Variants in SLC9A3 observed in about 807,000 individuals in gnomAD.
SLC9A3 encodes the protein solute carrier family 9 member A3.
In SLC9A3, 37 loss-of-function variants were observed where a neutral mutation model predicts 86.8. That is an observed-to-expected ratio of 0.43 (90% CI 0.33 to 0.56). SLC9A3 has a LOEUF of 0.56. Among genes scored for constraint, SLC9A3 ranks in the 20% least tolerant of loss-of-function variants. The pLI, the probability that SLC9A3 is intolerant of heterozygous loss-of-function variation, is 0.06. For missense variants in SLC9A3, 1,011 were observed against 1,171.9 expected, an observed-to-expected ratio of 0.86 and a Z score of 2.00; for synonymous variants, 581 against 528.3, an observed-to-expected ratio of 1.10 and a Z score of -1.37.
intron 16 of SLC9A3, 138 bp from the exon 17 acceptor site, chr5:473,520 C>T (rs1738519104): frequency 1.6e-6 from 1 of 639,666 alleles, no homozygotes; most frequent in Admixed American, 4.5e-5. Context: ...TCGGCGTCCG[C>T]TGGGGCCTCC....
chr5:523,880 G>A (rs10475282), intron 1 of SLC9A3, among the ~76,000 whole-genome samples: 43,953 of 152,048 alleles, frequency 0.29, 6,671 homozygotes, highest in South Asian at 0.45. Flanking sequence ...GGGAGTCCGG[G>A]GCTCCGAGGC....
chr5:472,389 C>T lies in SLC9A3; in HGVS notation c.*990G>A, dbSNP rs1259201695. 8.9e-6 allele frequency: 3 copies of T among 335,614 alleles called. No homozygotes were observed. The highest frequency in any genetic ancestry group is 1.7e-5 in the Non-Finnish European group (3 of 171,694). The allele number at this position is 335,614 out of a possible 1,614,324, so 20.8% of individuals were successfully genotyped here. ...ATGCCCCCTGGTTTGTTAAGGGGGA[C>T]AGAGCAGCTGCTGGGCCCCACCATC... is the stretch of plus-strand genomic sequence containing the variant. On this transcript the variant is annotated 3_prime_UTR_variant, in exon 17 of 17. Transcript: ENST00000264938.
chr5:482,455 T>C lies in SLC9A3; in HGVS notation c.1356+93A>G, dbSNP rs976543849. On this transcript the variant is annotated intron_variant, in intron 7 of 16. Transcript: ENST00000264938. ...CTAAAATTATGAAACCCAATTAGGG[T>C]CTGGAGCCTGGAAATGCTTGTCCTG... 12 of 1,074,846 alleles carry C rather than the reference T, an allele frequency of 1.1e-5. No homozygotes were observed. In the African/African-American group the frequency reaches 1.4e-4, roughly 13 times the overall value. The allele number at this position is 1,074,846 out of a possible 1,614,324, so 66.6% of individuals were successfully genotyped here.
chr5:507,333 A>G (rs1740644462), intron 1 of SLC9A3, among the ~76,000 whole-genome samples: 1 of 107,910 alleles, frequency 9.3e-6, no homozygotes, highest in East Asian at 2.5e-4. Flanking sequence ...ACGCCCAGCT[A>G]ATTTTTTGTA....
intron 1 of SLC9A3, among the ~76,000 whole-genome samples, chr5:492,928 C>T (rs898475992): frequency 2.6e-5 from 4 of 152,274 alleles, no homozygotes; most frequent in East Asian, 1.9e-4. Context: ...CTCTGGGTCC[C>T]GCCACTCCAC....
intron 9 of SLC9A3, 40 bp downstream of exon 9, chr5:481,525 C>T (rs369862303): frequency 2.2e-5 from 33 of 1,521,178 alleles, no homozygotes; most frequent in African/African-American, 9.6e-5. Context: ...TTCCAGAAGC[C>T]GGGCTGTGCG....
At chr5:489,268 G>T (rs1448337184) in intron 2 of SLC9A3, among the ~76,000 whole-genome samples, 1 of 152,140 alleles carries the variant, frequency 6.6e-6, no homozygotes, top group African/African-American at 2.4e-5. Flanking sequence ...CCGGCCGTGA[G>T]GGTCCAGGGA....
At chr5:473,715 A>ACCGCCCTGGCGTCCCCCGGGTG (rs1186903704) in intron 16 of SLC9A3, among the ~76,000 whole-genome samples, 2 of 151,772 alleles carry the variant, frequency 1.3e-5, no homozygotes, top group Admixed American at 6.5e-5. Context: ...TCCATCTCAA[A>ACCGCCCTGGCGTCCCCCGGGTG]CCGCCCTGGC....
intron 13 of SLC9A3, 41 bp from the exon 14 acceptor site, chr5:476,133 C>T: frequency 6.2e-7 from 1 of 1,612,294 alleles, no homozygotes; most frequent in Non-Finnish European, 8.5e-7. Context: ...CCGACACAGC[C>T]ACACCCAGCC....
At chr5:482,873 T>TA in intron 6 of SLC9A3, 123 bp from the exon 7 acceptor site, 1 of 746,768 alleles carries the variant, frequency 1.3e-6, no homozygotes, top group Non-Finnish European at 2.2e-6. Flanking sequence ...GCACCCTAGA[T>TA]ACGGCGTCCC....
intron 6 of SLC9A3, 100 bp downstream of exon 6, chr5:483,162 T>A: frequency 1.1e-6 from 1 of 922,444 alleles, no homozygotes; most frequent in Non-Finnish European, 1.7e-6. Flanking sequence ...TGCACGGGGC[T>A]GCACCTCCAT....
At chr5:506,796 G>C (rs566751897) in intron 1 of SLC9A3, among the ~76,000 whole-genome samples, 1 of 151,978 alleles carries the variant, frequency 6.6e-6, no homozygotes, top group Non-Finnish European at 1.5e-5. Flanking sequence ...GGCCGGGCGC[G>C]GTGGCTCACG....
intron 10 of SLC9A3, chr5:479,627 GTCAC>G: frequency 3.6e-6 from 2 of 562,592 alleles, no homozygotes; most frequent in Non-Finnish European, 3.2e-6. Context: ...CAGCACCACA[GTCAC>G]CAGGACTCTG....
chr5:477,177 A>C lies in SLC9A3; in HGVS notation c.1760+155T>G, dbSNP rs1738799351. ...GAGTCTGGCCACGGCCTAATATAGGAGGGCTTGTGGAAGGAGACACCCACC... is the reference window on the plus strand; with the variant it reads ...GAGTCTGGCCACGGCCTAATATAGGCGGGCTTGTGGAAGGAGACACCCACC... On this transcript the variant is annotated intron_variant, in intron 11 of 16. Coordinates refer to ENST00000264938, the MANE Select transcript of SLC9A3 (RefSeq NM_004174.4). 6.8e-6 allele frequency: 4 copies of C among 590,384 alleles called. No homozygotes were observed. The African/African-American group carries it at 7.5e-5, about 11-fold the overall frequency. 36.6% of individuals were successfully genotyped at this position (590,384 alleles called of 1,614,324 possible). A position where few individuals can be genotyped will look rare whatever the true frequency, so the allele number is the denominator to read the frequency against.
Position 491,408 on chromosome 5 carries a change from G to A in SLC9A3, c.514+361C>T, listed in dbSNP as rs1007129633. 2.0e-5 allele frequency among the ~76,000 whole-genome samples: 3 copies of A among 152,170 alleles called. No homozygotes were observed. The highest frequency in any genetic ancestry group is 1.9e-4 in the East Asian group (1 of 5,198). On this transcript the variant is annotated intron_variant, in intron 2 of 16. Transcript: ENST00000264938. The surrounding 1 kb of genome is among the most constrained non-coding windows in gnomAD (Gnocchi z 9.2). ...ACACAGGCTGGGAGGGACGGTGCCC[G>A]ATACACCAGGCTCTGCAGTCCTCCT...
At chr5:500,344 G>A (rs368095932) in intron 1 of SLC9A3, among the ~76,000 whole-genome samples, 88 of 152,362 alleles carry the variant, frequency 5.8e-4, no homozygotes, top group African/African-American at 2.1e-3. Flanking sequence ...CCAGCTAGGT[G>A]CACACACGGC....
At position 485,150 on chromosome 5, in the gene SLC9A3, C is replaced by T. The variant is rs778475996; in HGVS notation, c.754+3G>A. 2.5e-6 allele frequency: 4 copies of T among 1,611,354 alleles called. No individual in the cohort carries two copies. In the Admixed American group the frequency reaches 6.7e-5, roughly 27 times the overall value. On this transcript the variant is annotated splice_donor_region_variant and intron_variant, in intron 4 of 16. Transcript: ENST00000264938. ...CCACTCCCCCTGACCCACAGCTACA[C>T]ACCTATGCCCTTCACGCAGTCCACG...
At chr5:492,319 G>A (rs1485122956) in intron 1 of SLC9A3, among the ~76,000 whole-genome samples, 1 of 87,532 alleles carries the variant, frequency 1.1e-5, no homozygotes. Flanking sequence ...GTCAGGGTGG[G>A]GCCTTGGGAG....
chr5:486,977 G>A lies in SLC9A3; in HGVS notation c.675+1339C>T, dbSNP rs112265598. ...CCACACTGACACCGTGATCCAGACC[G>A]CACTGACACCCACCGCACTGACACC... is the stretch of plus-strand genomic sequence containing the variant. On this transcript the variant is annotated intron_variant, in intron 3 of 16. Coordinates refer to ENST00000264938, the MANE Select transcript of SLC9A3 (RefSeq NM_004174.4). Among the ~76,000 whole-genome samples, 158 of 45,634 alleles carry A rather than the reference G, an allele frequency of 3.5e-3. 5 individuals carry two copies. Among genetic ancestry groups the A allele is most frequent in the African/African-American group, 8.8e-3 (149 of 16,876 alleles). 29.9% of individuals were successfully genotyped at this position (45,634 alleles called of 152,430 possible).
Sources: allele counts gnomAD v4.1 joint callset (sites outside exome capture counted in the v4.1 genomes callset), GRCh38; gene constraint gnomAD v4.1.1; non-coding constraint Gnocchi (gnomAD v3.1); transcripts MANE v1.5; gene names NCBI Gene and HGNC (gene_info 2026-07-23, HGNC 2026-07-21).